ANKH: variants seen among roughly 807,000 people sequenced by gnomAD.
ANKH encodes the protein mineralization regulator ANKH.
Under a neutral mutation model 49.0 loss-of-function variants are expected in ANKH, and 15 were observed. That is an observed-to-expected ratio of 0.31 (90% CI 0.20 to 0.47). ANKH has a LOEUF of 0.47. Among genes scored for constraint, ANKH ranks in the 20% least tolerant of loss-of-function variants. The probability of loss-of-function intolerance (pLI) is 1.00; values close to 1 mark genes in which losing one functional copy is unlikely to be tolerated. For synonymous variants in ANKH, 273 were observed against 260.0 expected (o/e 1.05, Z -0.48); for missense variants, 429 against 652.0 (o/e 0.66, Z 3.72).
At chr5:14,844,965 T>G (rs1741914743) in intron 1 of ANKH, among the ~76,000 whole-genome samples, 1 of 152,110 alleles carries the variant, frequency 6.6e-6, no homozygotes, top group Non-Finnish European at 1.5e-5. Context: ...GAGAAATTAC[T>G]TACCAAGCTA....
At chr5:14,848,405 G>A (rs1742028463) in intron 1 of ANKH, among the ~76,000 whole-genome samples, 1 of 94,576 alleles carries the variant, frequency 1.1e-5, no homozygotes, top group South Asian at 3.9e-4. Flanking sequence ...AGCTGGCAGT[G>A]GCAATCCTCT....
At chr5:14,728,474 G>A (rs1737889796) in intron 8 of ANKH, among the ~76,000 whole-genome samples, 1 of 152,202 alleles carries the variant, frequency 6.6e-6, no homozygotes, top group African/African-American at 2.4e-5. Flanking sequence ...ATACACAAGA[G>A]AGGCATTTTC....
chr5:14,775,093 G>A (rs1319248653), intron 1 of ANKH, among the ~76,000 whole-genome samples: 1 of 151,166 alleles, frequency 6.6e-6, no homozygotes, highest in East Asian at 1.9e-4. Flanking sequence ...GTCTTCCTCT[G>A]TCACCCAAGC....
intron 8 of ANKH, among the ~76,000 whole-genome samples, chr5:14,734,075 T>C (rs1169090367): frequency 2.6e-5 from 4 of 152,238 alleles, no homozygotes. Context: ...CCTCTCCCTA[T>C]TGCTAGATAT....
At chr5:14,778,894 G>T (rs1739719264) in intron 1 of ANKH, among the ~76,000 whole-genome samples, 1 of 152,108 alleles carries the variant, frequency 6.6e-6, no homozygotes, top group African/African-American at 2.4e-5. Flanking sequence ...CACAATCATG[G>T]TCTCCAACGC....
rs546331499 is a variant in ANKH, at chr5:14,797,303, C to T, written c.97-28112G>A. ...CAGTGTGACCACCATGAATAAACAA[C>T]AACTCTGGTGGCCTGTCTTCTGCAT... On this transcript the variant is annotated intron_variant, in intron 1 of 11. Coordinates refer to ENST00000284268, the MANE Select transcript of ANKH (RefSeq NM_054027.6). 6.4e-6 allele frequency: 10 copies of T among 1,555,352 alleles called. No homozygotes were observed. In the South Asian group the frequency reaches 1.1e-4, roughly 17 times the overall value.
intron 1 of ANKH, among the ~76,000 whole-genome samples, chr5:14,844,452 A>G (rs1741900291): frequency 6.6e-6 from 1 of 152,234 alleles, no homozygotes; most frequent in Non-Finnish European, 1.5e-5. Context: ...CTAAAGAAAG[A>G]CATGAATGCT....
intron 8 of ANKH, among the ~76,000 whole-genome samples, chr5:14,721,425 G>A (rs990682579): frequency 3.3e-5 from 5 of 152,114 alleles, no homozygotes; most frequent in Non-Finnish European, 7.3e-5. Context: ...GTCTGATCTG[G>A]GGTTTGAACA....
chr5:14,839,936 A>G (rs971395300), intron 1 of ANKH, among the ~76,000 whole-genome samples: 3 of 152,244 alleles, frequency 2.0e-5, no homozygotes, highest in African/African-American at 7.2e-5. Context: ...ATAGAAAATT[A>G]CCAATGTCTG....
chr5:14,776,476 A>G (rs9790982), intron 1 of ANKH, among the ~76,000 whole-genome samples: 121,389 of 152,098 alleles, frequency 0.8, 48,601 homozygotes, highest in South Asian at 0.86. Context: ...AAGAGTCCAC[A>G]ATTTGGCCCC....
chr5:14,780,496 T>C (rs1739774089), intron 1 of ANKH, among the ~76,000 whole-genome samples: 1 of 152,160 alleles, frequency 6.6e-6, no homozygotes, highest in South Asian at 2.1e-4. Flanking sequence ...TGAGCTGAGA[T>C]TGTGCCACTG....
intron 1 of ANKH, among the ~76,000 whole-genome samples, chr5:14,864,770 C>G (rs1000113870): frequency 2.0e-5 from 3 of 152,186 alleles, no homozygotes; most frequent in African/African-American, 7.2e-5. Flanking sequence ...GCTCTCATAA[C>G]CACATATTAT....
chr5:14,863,112 A>G (rs962380997), intron 1 of ANKH, among the ~76,000 whole-genome samples: 54 of 152,306 alleles, frequency 3.5e-4, no homozygotes, highest in African/African-American at 1.2e-3. Flanking sequence ...GAGGAAACTG[A>G]GTCCTTAGTA....
intron 8 of ANKH, among the ~76,000 whole-genome samples, chr5:14,721,585 G>A (rs1021465396): frequency 4.6e-5 from 7 of 152,126 alleles, no homozygotes; most frequent in Non-Finnish European, 8.8e-5. Flanking sequence ...TATTTCTTGC[G>A]TATATAACTT....
intron 8 of ANKH, among the ~76,000 whole-genome samples, chr5:14,721,823 G>T (rs1490104045): frequency 6.6e-6 from 1 of 150,572 alleles, no homozygotes; most frequent in South Asian, 2.1e-4. Context: ...CCAGCTACTC[G>T]TGAGGCTGAG....
At chr5:14,766,527 T>A (rs1418742249) in intron 2 of ANKH, among the ~76,000 whole-genome samples, 1 of 152,234 alleles carries the variant, frequency 6.6e-6, no homozygotes. Flanking sequence ...CTTCCTGCTC[T>A]ATGCTCTCAC....
intron 8 of ANKH, among the ~76,000 whole-genome samples, chr5:14,721,924 C>A (rs533077134): frequency 1.3e-5 from 1 of 74,210 alleles, no homozygotes; most frequent in South Asian, 6.2e-4. Context: ...AGCGAGACTC[C>A]GTCTCAAAAA....
chr5:14,731,974 C>T (rs1425459654), intron 8 of ANKH, among the ~76,000 whole-genome samples: 2 of 152,172 alleles, frequency 1.3e-5, no homozygotes, highest in African/African-American at 4.8e-5. Context: ...ATGACGGGTC[C>T]CTAGGAAGCA....
At chr5:14,711,348 T>A in intron 11 of ANKH, 38 bp from the exon 12 acceptor site, 1 of 1,552,872 alleles carries the variant, frequency 6.4e-7, no homozygotes, top group Non-Finnish European at 8.9e-7. Flanking sequence ...GGGCTGTGGA[T>A]GGGGACACTG....
Sources: allele counts gnomAD v4.1 joint callset (sites outside exome capture counted in the v4.1 genomes callset), GRCh38; gene constraint gnomAD v4.1.1; transcripts MANE v1.5; gene names NCBI Gene and HGNC (gene_info 2026-07-23, HGNC 2026-07-21).